The following AKAP3 variants were observed in gnomAD, a reference collection of about 807,000 sequenced individuals.
AKAP3 encodes A-kinase anchoring protein 3, also known as A-kinase anchor protein 3.
In AKAP3, 27 loss-of-function variants were observed where a neutral mutation model predicts 57.2. The observed-to-expected ratio is 0.47, with a 90% CI of 0.35 to 0.65. AKAP3 has a LOEUF of 0.65. AKAP3 is among the 30% of genes least tolerant of loss of function. The probability of loss-of-function intolerance (pLI) is 0.01; values close to 1 mark genes in which losing one functional copy is unlikely to be tolerated. For synonymous variants in AKAP3, 334 were observed against 392.3 expected, an observed-to-expected ratio of 0.85 and a Z score of 1.76; for missense variants, 959 against 1,040.0, an observed-to-expected ratio of 0.92 and a Z score of 1.07.
intron 4 of AKAP3, among the ~76,000 whole-genome samples, chr12:4,633,313 C>T (rs1945522833): frequency 6.6e-6 from 1 of 151,928 alleles, no homozygotes. Flanking sequence ...AAATAAAAAA[C>T]CAAACCTACA....
rs749367824 is a variant in AKAP3 at position 4,628,068 on chromosome 12, C to G, written c.834G>C (p.Thr278=). The G allele has an allele frequency of 6.2e-7, 1 of 1,614,082 alleles. No individual in the cohort carries two copies. Among genetic ancestry groups the G allele is most frequent in the African/African-American group, 1.3e-5 (1 of 74,998 alleles). Residue 278 remains threonine (T), a synonymous_variant, in exon 5 of 6, where the codon ACG becomes ACC. Transcript: ENST00000228850. Reference sequence around the variant, plus strand: ...TCATGATCCCTTCACTAACAGAAGCCGTAAAGTCATCAGGCCTTTCCTGCC... The same window carrying G: ...TCATGATCCCTTCACTAACAGAAGCGGTAAAGTCATCAGGCCTTTCCTGCC... The part of the protein sequence containing the change: ...FRGQERPDDF[T]ASVSEGIMTY...
intron 4 of AKAP3, among the ~76,000 whole-genome samples, chr12:4,633,970 C>CTTT (rs59050368): frequency 1.6e-4 from 22 of 138,074 alleles, no homozygotes; most frequent in Middle Eastern, 3.8e-3. Context: ...TATCTATATT[C>CTTT]TTTTTTTTTT....
intron 2 of AKAP3, among the ~76,000 whole-genome samples, chr12:4,643,263 T>C (rs1004604375): frequency 2.6e-5 from 4 of 152,204 alleles, no homozygotes; most frequent in Admixed American, 6.5e-5. Context: ...CTGTCCTAGA[T>C]GACAGCATCT....
chr12:4,635,449 A>G (rs1373126926), intron 4 of AKAP3: 2 of 727,894 alleles, frequency 2.7e-6, no homozygotes, highest in Admixed American at 2.2e-5. Context: ...TTCTTTGGCA[A>G]TTTTTTAGCT....
rs714621 is a variant in AKAP3, at chr12:4,649,022, G to C, written c.-522C>G. On this transcript the variant is annotated 5_prime_UTR_variant, in exon 1 of 6. Transcript: ENST00000228850. ...AACCAACAATCTACCCGAAACCGTC[G>C]TTTCTTGGTTAGCGCTTGCGCAGAC... is the stretch of plus-strand genomic sequence containing the variant. The C allele has an allele frequency of 0.54, 714,299 of 1,333,104 alleles. 197,768 individuals carry two copies. The highest frequency in any genetic ancestry group is 0.6 in the Admixed American group (29,273 of 48,604). The allele number at this position is 1,333,104 out of a possible 1,614,324, so 82.6% of individuals were successfully genotyped here. A position where few individuals can be genotyped will look rare whatever the true frequency, so the allele number is the denominator to read the frequency against.
Position 4,638,096 on chromosome 12 carries a change from C to A in AKAP3, c.96+5G>T. 6.2e-7 allele frequency: 1 copy of A among 1,603,900 alleles called. No homozygotes were observed. Among genetic ancestry groups the A allele is most frequent in the Non-Finnish European group, 8.5e-7 (1 of 1,170,744 alleles). On this transcript the variant is annotated splice_donor_5th_base_variant and intron_variant, in intron 4 of 5. Coordinates refer to ENST00000228850, the MANE Select transcript of AKAP3 (RefSeq NM_001278309.2). ...CCTAGTGTTTATCAAGAGGTTGACC[C>A]TTACCATTTTCCAGTCCTGGGCTTG...
At position 4,626,873 on chromosome 12, in the gene AKAP3, C is replaced by T. The variant is rs759248020; in HGVS notation, c.2029G>A (p.Val677Met). ...GCAATGATGACACACAGCTTCATCA[C>T]TGAGTTCATCAGATGTTCTACCATC... ...GQMVEHLMNS[V>M]MKLCVIIAKS... Residue 677 changes from valine (V) to methionine (M), a missense_variant, in exon 5 of 6, where the codon GTG (valine) becomes ATG (methionine). Transcript: ENST00000228850. The T allele has an allele frequency of 9.9e-6, 16 of 1,612,466 alleles. No individual in the cohort carries two copies. The highest frequency in any genetic ancestry group is 1.4e-5 in the Non-Finnish European group (16 of 1,179,680).
chr12:4,648,967 C>CCTCT lies in AKAP3; in HGVS notation c.-471_-468dup, dbSNP rs2137457383. 1.3e-6 allele frequency: 1 copy of CCTCT among 745,144 alleles called. No homozygotes were observed. Among genetic ancestry groups the CCTCT allele is most frequent in the African/African-American group, 1.8e-5 (1 of 56,622 alleles). The allele number at this position is 745,144 out of a possible 1,614,324, so 46.2% of individuals were successfully genotyped here. On this transcript the variant is annotated 5_prime_UTR_variant, in exon 1 of 6. Coordinates refer to ENST00000228850, the MANE Select transcript of AKAP3 (RefSeq NM_001278309.2). The stretch of plus-strand genomic sequence containing the variant: ...AAGTCTTTTCACTTCCTTTCTTCCC[C>CCTCT]CTCTCCTTCACTTTCCCAGCTTTCT...
intron 4 of AKAP3, chr12:4,636,281 GGCTGAAGCCCCAGGCATGGCCC>G (rs1268229159): frequency 2.6e-6 from 1 of 385,362 alleles, no homozygotes; most frequent in African/African-American, 2.1e-5. Flanking sequence ...CGGAGCTGTG[GGCTGAAGCCCCAGGCATGGCCC>G]GTAGGACGAG....
chr12:4,646,095 C>T (rs1945694856), intron 1 of AKAP3, among the ~76,000 whole-genome samples: 1 of 151,978 alleles, frequency 6.6e-6, no homozygotes, highest in Non-Finnish European at 1.5e-5. Context: ...TGTCTTAGAT[C>T]TTCAGAGATA....
At chr12:4,644,766 T>C (rs1292446221) in intron 2 of AKAP3, among the ~76,000 whole-genome samples, 4 of 152,086 alleles carry the variant, frequency 2.6e-5, no homozygotes, top group African/African-American at 9.7e-5. Flanking sequence ...TACAAAAAAT[T>C]AGCCAGGTGA....
chr12:4,637,641 C>A (rs1476741370), intron 4 of AKAP3, among the ~76,000 whole-genome samples: 1 of 152,076 alleles, frequency 6.6e-6, no homozygotes, highest in Non-Finnish European at 1.5e-5. Flanking sequence ...GCATTTAATA[C>A]ATGTTTGTTG....
chr12:4,649,035 CG>C lies in AKAP3; in HGVS notation c.-536del. On this transcript the variant is annotated 5_prime_UTR_variant, in exon 1 of 6. Coordinates refer to ENST00000228850, the MANE Select transcript of AKAP3 (RefSeq NM_001278309.2). The stretch of plus-strand genomic sequence containing the variant: ...CCCGAAACCGTCGTTTCTTGGTTAG[CG>C]CTTGCGCAGACAGGCGAGAAAGGTA... 6.9e-7 allele frequency: 1 copy of C among 1,450,948 alleles called. No individual in the cohort carries two copies. The highest frequency in any genetic ancestry group is 9.5e-7 in the Non-Finnish European group (1 of 1,056,868). 89.9% of individuals were successfully genotyped at this position (1,450,948 alleles called of 1,614,324 possible).
intron 4 of AKAP3, among the ~76,000 whole-genome samples, chr12:4,632,790 G>A (rs1167626761): frequency 2.0e-5 from 3 of 152,010 alleles, no homozygotes; most frequent in South Asian, 2.1e-4. Flanking sequence ...ACAGGTGCCC[G>A]CCATCACGCC....
intron 5 of AKAP3, among the ~76,000 whole-genome samples, chr12:4,617,846 C>CTA (rs1342803838): frequency 6.6e-6 from 1 of 151,172 alleles, no homozygotes; most frequent in Admixed American, 6.6e-5. Context: ...AGCAACTCAA[C>CTA]TATAAAGGGA....
chr12:4,636,918 CT>C (rs1565557670), intron 4 of AKAP3, among the ~76,000 whole-genome samples: 1 of 151,842 alleles, frequency 6.6e-6, no homozygotes, highest in South Asian at 2.1e-4. Context: ...CTGGCTAATT[CT>C]TTTTTTAGTA....
chr12:4,647,207 C>A (rs1025598850), intron 1 of AKAP3, among the ~76,000 whole-genome samples: 2 of 152,136 alleles, frequency 1.3e-5, no homozygotes, highest in East Asian at 1.9e-4. Flanking sequence ...TAGCACTTTA[C>A]GGGTGACAAA....
At chr12:4,641,200 G>A (rs1475573197) in intron 3 of AKAP3, among the ~76,000 whole-genome samples, 1 of 151,058 alleles carries the variant, frequency 6.6e-6, no homozygotes, top group Non-Finnish European at 1.5e-5. Context: ...TTCCCAGGGA[G>A]TATCTAATTC....
chr12:4,648,456 T>C (rs1053556885), intron 1 of AKAP3: 3 of 152,252 alleles, frequency 2.0e-5, no homozygotes, highest in African/African-American at 7.2e-5. Flanking sequence ...ATTACCACCT[T>C]GGATAGGATG....
Sources: gnomAD v4.1 joint callset for allele counts (sites outside exome capture counted in the v4.1 genomes callset) on GRCh38, gnomAD v4.1.1 for gene constraint, MANE v1.5 for transcripts, NCBI Gene and HGNC (gene_info 2026-07-23, HGNC 2026-07-21) for gene names.